The following MACROH2A2 variants were observed in gnomAD, a reference collection of about 807,000 sequenced individuals.
The protein encoded by MACROH2A2 is core histone macro-H2A.2.
MACROH2A2 carries 6 observed loss-of-function variants against 37.6 expected under a neutral mutation model. The ratio of observed to expected loss-of-function variants is 0.16; its 90% CI spans 0.09 to 0.32. The LOEUF is 0.32. Ranked by LOEUF, MACROH2A2 falls within the 10% of genes least tolerant of loss-of-function variation. MACROH2A2 has a pLI of 1.00. For synonymous variants in MACROH2A2, 192 were observed against 202.7 expected (o/e 0.95, Z 0.45); for missense variants, 290 against 485.9 (o/e 0.60, Z 3.79).
chr10:70,099,991 T>G (rs3750768), intron 6 of MACROH2A2, among the ~76,000 whole-genome samples: 124,539 of 152,136 alleles, frequency 0.82, 51,666 homozygotes, highest in Non-Finnish European at 0.89. Flanking sequence ...CCCCTTAAAA[T>G]ATCCTTGGTA....
At chr10:70,096,813 G>T (rs958482119) in intron 6 of MACROH2A2, among the ~76,000 whole-genome samples, 9 of 152,176 alleles carry the variant, frequency 5.9e-5, no homozygotes, top group Non-Finnish European at 1.3e-4. Flanking sequence ...CTCACTCAGG[G>T]CTTCCTCCTG....
At chr10:70,105,088 G>C (rs1282915690) in intron 7 of MACROH2A2, among the ~76,000 whole-genome samples, 1 of 152,184 alleles carries the variant, frequency 6.6e-6, no homozygotes, top group African/African-American at 2.4e-5. Context: ...GGGTTTCCAG[G>C]GCTGAGCAAA....
intron 7 of MACROH2A2, among the ~76,000 whole-genome samples, chr10:70,100,767 C>A (rs2072302298): frequency 6.6e-6 from 1 of 152,128 alleles, no homozygotes. Context: ...CAGGCGCATG[C>A]CACCATGCCT....
chr10:70,093,202 T>A (rs2072256537), intron 4 of MACROH2A2, among the ~76,000 whole-genome samples: 1 of 152,208 alleles, frequency 6.6e-6, no homozygotes, highest in African/African-American at 2.4e-5. Flanking sequence ...GAATTAAAAC[T>A]AAATCAAATT....
intron 1 of MACROH2A2, among the ~76,000 whole-genome samples, chr10:70,068,595 C>T (rs530873759): frequency 1.3e-5 from 2 of 152,296 alleles, no homozygotes; most frequent in Admixed American, 6.5e-5. Flanking sequence ...ACCCAACACT[C>T]GCTTTTAATC....
rs2072382919 is a variant in MACROH2A2, at chr10:70,112,238, AAATG to A, written c.*558_*561del. The A allele has an allele frequency of 6.6e-6, 1 of 152,192 alleles. No individual in the cohort carries two copies. Among genetic ancestry groups the A allele is most frequent in the African/African-American group, 2.4e-5 (1 of 41,442 alleles). 9.4% of individuals were successfully genotyped at this position (152,192 alleles called of 1,614,324 possible). ...TCATTTTGTTTTTTTAAGAAAAAGA[AAATG>A]AAAGGAAAAAAATAAAAGATCCAGT... On this transcript the variant is annotated 3_prime_UTR_variant, in exon 9 of 9. Coordinates refer to ENST00000373255, the MANE Select transcript of MACROH2A2 (RefSeq NM_018649.3).
At chr10:70,079,565 G>GCACACACACACACACACA (rs56247035) in intron 2 of MACROH2A2, among the ~76,000 whole-genome samples, 5 of 126,264 alleles carry the variant, frequency 4.0e-5, no homozygotes, top group East Asian at 2.4e-4. Flanking sequence ...GCGCGCGCGC[G>GCACACACACACACACACA]CACACACACA....
At chr10:70,094,494 G>A (rs2072263270) in intron 5 of MACROH2A2, among the ~76,000 whole-genome samples, 1 of 152,194 alleles carries the variant, frequency 6.6e-6, no homozygotes, top group Non-Finnish European at 1.5e-5. Context: ...CAAGGAAAGA[G>A]TCAGTTAATC....
intron 2 of MACROH2A2, among the ~76,000 whole-genome samples, chr10:70,089,377 A>G (rs1306586903): frequency 6.6e-6 from 1 of 152,216 alleles, no homozygotes; most frequent in African/African-American, 2.4e-5. Context: ...TTGCTCTAGC[A>G]TGCACAACTT....
At chr10:70,084,943 C>T (rs1213115498) in intron 2 of MACROH2A2, among the ~76,000 whole-genome samples, 2 of 152,122 alleles carry the variant, frequency 1.3e-5, no homozygotes, top group African/African-American at 4.8e-5. Context: ...TCACCAGTGG[C>T]CTTGCTGGCA....
intron 1 of MACROH2A2, among the ~76,000 whole-genome samples, chr10:70,067,212 A>G (rs1217597080): frequency 6.6e-6 from 1 of 152,164 alleles, no homozygotes; most frequent in Admixed American, 6.5e-5. Context: ...TCCCCTAAGC[A>G]CAGTTTTTCA....
intron 2 of MACROH2A2, among the ~76,000 whole-genome samples, chr10:70,083,248 C>A (rs1352285869): frequency 1.3e-5 from 2 of 152,158 alleles, no homozygotes; most frequent in Non-Finnish European, 2.9e-5. Flanking sequence ...CTGCAGTATG[C>A]CCCTAGAGAC....
chr10:70,095,107 G>A (rs1218957772), intron 5 of MACROH2A2, among the ~76,000 whole-genome samples: 3 of 152,196 alleles, frequency 2.0e-5, no homozygotes, highest in Non-Finnish European at 2.9e-5. Flanking sequence ...GGTGGCTCAC[G>A]CCTGTAATCC....
At position 70,105,029 on chromosome 10, in the gene MACROH2A2, G is replaced by C. The variant is rs542908023; in HGVS notation, c.779-4004G>C. Among the ~76,000 whole-genome samples the C allele has an allele frequency of 2.0e-5, 3 of 152,374 alleles. No homozygotes were observed. The South Asian group carries it at 6.2e-4, about 32-fold the overall frequency. ...TCAGGTGCAGAGTCAGTGAGAGGCA[G>C]CGATGCTGCATGTTCAGGGAGGCAG... On this transcript the variant is annotated intron_variant, in intron 7 of 8. Transcript: ENST00000373255.
rs2071984788 is a variant in MACROH2A2 at position 70,053,059 on chromosome 10, A to G, written c.-60+59A>G. ...GGGTGCTCCGGGGTCTGGAAACAAA[A>G]CGCGCCGCCGGGGCAGTGCAGGGGC... On this transcript the variant is annotated intron_variant, in intron 1 of 8. Transcript: ENST00000373255. The surrounding 1 kb of genome is among the most constrained non-coding windows in gnomAD (Gnocchi z 4.8). 6.6e-6 allele frequency: 1 copy of G among 152,190 alleles called. No homozygotes were observed. Among genetic ancestry groups the G allele is most frequent in the South Asian group, 2.1e-4 (1 of 4,834 alleles). 9.4% of individuals were successfully genotyped at this position (152,190 alleles called of 1,614,324 possible).
chr10:70,080,236 G>A (rs999132184), intron 2 of MACROH2A2, among the ~76,000 whole-genome samples: 8 of 151,058 alleles, frequency 5.3e-5, no homozygotes, highest in Non-Finnish European at 8.8e-5. Context: ...CCGAGATCGC[G>A]TCATTGCACT....
chr10:70,074,532 T>G (rs1298722220), intron 1 of MACROH2A2, among the ~76,000 whole-genome samples: 1 of 152,172 alleles, frequency 6.6e-6, no homozygotes, highest in African/African-American at 2.4e-5. Context: ...TAACGGATGG[T>G]TTGGCTGTGT....
chr10:70,104,984 G>A lies in MACROH2A2; in HGVS notation c.779-4049G>A, dbSNP rs7478621. Among the ~76,000 whole-genome samples the A allele has an allele frequency of 9.3e-3, 1,424 of 152,348 alleles. 11 individuals are homozygous for A. The highest frequency in any genetic ancestry group is 0.015 in the Non-Finnish European group (1,052 of 68,024). On this transcript the variant is annotated intron_variant, in intron 7 of 8. Coordinates refer to ENST00000373255, the MANE Select transcript of MACROH2A2 (RefSeq NM_018649.3). ...CCACCCTGTGGCAGGGGGTCGGGGA[G>A]GGTGGATCAAGAAAATATTTCAGGT...
chr10:70,064,299 G>A (rs1462827848), intron 1 of MACROH2A2, among the ~76,000 whole-genome samples: 1 of 152,128 alleles, frequency 6.6e-6, no homozygotes, highest in East Asian at 1.9e-4. Context: ...GAACCCGGGG[G>A]ACAGAGGTTG....
Sources: gnomAD v4.1 joint callset for allele counts (sites outside exome capture counted in the v4.1 genomes callset) on GRCh38, gnomAD v4.1.1 for gene constraint, Gnocchi (gnomAD v3.1) non-coding constraint, MANE v1.5 for transcripts, NCBI Gene and HGNC (gene_info 2026-07-23, HGNC 2026-07-21) for gene names.